The following FBXO17 variants were observed in gnomAD, a reference collection of about 807,000 sequenced individuals.
The protein encoded by FBXO17 is F-box protein 17.
FBXO17 carries 43 observed loss-of-function variants against 34.1 expected under a neutral mutation model. The observed-to-expected ratio is 1.26, with a 90% CI of 0.99 to 1.62. The LOEUF is 1.62. FBXO17 is among the 40% of genes most tolerant of loss of function. The pLI is 0.00. For synonymous variants in FBXO17, 169 were observed against 166.0 expected, an observed-to-expected ratio of 1.02 and a Z score of -0.14; for missense variants, 424 against 386.7, an observed-to-expected ratio of 1.10 and a Z score of -0.81.
At chr19:38,968,176 G>A (rs1035889726) in intron 1 of FBXO17, among the ~76,000 whole-genome samples, 2 of 151,958 alleles carry the variant, frequency 1.3e-5, no homozygotes, top group African/African-American at 2.4e-5. Flanking sequence ...AAAACTAGCC[G>A]GGTATGGTGG....
At chr19:38,949,806 C>A in intron 2 of FBXO17, 165 bp downstream of exon 2, 1 of 877,600 alleles carries the variant, frequency 1.1e-6, no homozygotes, top group Non-Finnish European at 1.7e-6. Context: ...TCTCCAGCCC[C>A]GCCCACCGGG....
In FBXO17 at chr19:38,942,467, G is replaced by T. The variant is rs1974903058; in HGVS notation, c.*141C>A. The T allele has an allele frequency of 1.2e-6, 1 of 838,032 alleles. No homozygotes were observed. The highest frequency in any genetic ancestry group is 1.7e-6 in the Non-Finnish European group (1 of 591,108). 51.9% of individuals were successfully genotyped at this position (838,032 alleles called of 1,614,324 possible). On this transcript the variant is annotated 3_prime_UTR_variant, in exon 6 of 6. Transcript: ENST00000292852. ...TTTGTGGAGACGGTTTCACTATGTT[G>T]CCCAGGCTGGTCTTGAACTCCCGAG...
chr19:38,954,899 TTA>T (rs1568441776), intron 1 of FBXO17, among the ~76,000 whole-genome samples: 145 of 9,310 alleles, frequency 0.016, 2 homozygotes, highest in Admixed American at 0.06. Flanking sequence ...TGTTATTTTA[TTA>T]TTATTATTAT....
intron 1 of FBXO17, chr19:38,952,488 G>A (rs1441613920): frequency 1.9e-6 from 1 of 529,566 alleles, no homozygotes; most frequent in Non-Finnish European, 3.9e-6. Context: ...TCCAAGTGGG[G>A]AGGTCTCCGT....
intron 1 of FBXO17, among the ~76,000 whole-genome samples, chr19:38,958,728 A>G (rs76310004): frequency 0.1 from 15,523 of 152,052 alleles, 896 homozygotes; most frequent in South Asian, 0.14. Context: ...AGCAGACTGT[A>G]TTTTTCAAAA....
chr19:38,959,609 A>G (rs930515169), intron 1 of FBXO17, among the ~76,000 whole-genome samples: 1 of 151,728 alleles, frequency 6.6e-6, no homozygotes, highest in African/African-American at 2.4e-5. Flanking sequence ...GCTAAAAATG[A>G]GCTGGGTACC....
At chr19:38,946,617 G>C (rs1234929355) in intron 3 of FBXO17, 50 bp from the exon 4 acceptor site, 1 of 1,565,086 alleles carries the variant, frequency 6.4e-7, no homozygotes, top group Non-Finnish European at 8.6e-7. Flanking sequence ...TGGCATTCAA[G>C]TCACAGTCAG....
intron 1 of FBXO17, among the ~76,000 whole-genome samples, chr19:38,970,839 G>A (rs1385705492): frequency 2.0e-5 from 3 of 152,024 alleles, no homozygotes; most frequent in Admixed American, 6.6e-5. Flanking sequence ...GGTGACTCAC[G>A]CCTATAATCC....
intron 1 of FBXO17, among the ~76,000 whole-genome samples, chr19:38,959,363 C>T (rs535949558): frequency 6.6e-6 from 1 of 151,064 alleles, no homozygotes; most frequent in East Asian, 2.0e-4. Flanking sequence ...ACTGCAATCT[C>T]CACCTCCTGG....
At chr19:38,973,249 C>T (rs1975413241) in intron 1 of FBXO17, among the ~76,000 whole-genome samples, 1 of 152,204 alleles carries the variant, frequency 6.6e-6, no homozygotes, top group Admixed American at 6.5e-5. Flanking sequence ...GTGGCACATG[C>T]TTGTAATCCC....
intron 5 of FBXO17, among the ~76,000 whole-genome samples, chr19:38,943,964 C>T (rs544986393): frequency 1.3e-5 from 2 of 152,310 alleles, no homozygotes; most frequent in African/African-American, 2.4e-5. Flanking sequence ...ATCACCACTA[C>T]CTAATTCCCA....
rs762031131 is a variant in FBXO17 at position 38,950,125 on chromosome 19, G to A, written c.195C>T (p.Arg65=). The change falls in exon 2 of 6, where the codon CGC becomes CGT. Residue 65 remains arginine (R), a synonymous_variant. Transcript: ENST00000292852. ...GTGCGCGGCCCTCGGCGCTGCGGTC[G>A]CGGGCCAGCTGCAGCAGCCACACAG... ...GPTVWLLQLA[R]DRSAEGRALY... The A allele has an allele frequency of 2.2e-5, 34 of 1,560,816 alleles. No individual in the cohort carries two copies. Among genetic ancestry groups the A allele is most frequent in the East Asian group, 9.6e-5 (4 of 41,638 alleles).
chr19:38,943,056 C>T (rs1974916659), intron 5 of FBXO17, among the ~76,000 whole-genome samples: 1 of 151,960 alleles, frequency 6.6e-6, no homozygotes, highest in Non-Finnish European at 1.5e-5. Flanking sequence ...GGAGAGGGAG[C>T]CGGGAGGGGC....
At chr19:38,965,524 G>A (rs1306330145) in intron 1 of FBXO17, among the ~76,000 whole-genome samples, 3 of 151,024 alleles carry the variant, frequency 2.0e-5, no homozygotes, top group Admixed American at 2.0e-4. Flanking sequence ...ATTTATTTTT[G>A]AGATGGAGTT....
chr19:38,972,140 G>C (rs1282336086), intron 1 of FBXO17, among the ~76,000 whole-genome samples: 1 of 152,124 alleles, frequency 6.6e-6, no homozygotes, highest in African/African-American at 2.4e-5. Flanking sequence ...TTCTTGAATG[G>C]GGCAGCCTCC....
Position 38,942,064 on chromosome 19 carries a change from A to G in FBXO17, c.*544T>C, listed in dbSNP as rs1269656670. 6.6e-6 allele frequency: 1 copy of G among 151,780 alleles called. No individual in the cohort carries two copies. Among genetic ancestry groups the G allele is most frequent in the Non-Finnish European group, 1.5e-5 (1 of 68,000 alleles). The allele number at this position is 151,780 out of a possible 1,614,324, so 9.4% of individuals were successfully genotyped here. ...GCAGGAGAAGAAAATTTGCAGGCAA[A>G]TGAACTAAATGTCTCTTCCTGACAC... On this transcript the variant is annotated 3_prime_UTR_variant, in exon 6 of 6. Coordinates refer to ENST00000292852, the MANE Select transcript of FBXO17 (RefSeq NM_024907.7).
chr19:38,966,293 T>TTGTGTGTGTGTGTGTGTGTGTGTGTGTG (rs10569438), intron 1 of FBXO17, among the ~76,000 whole-genome samples: 1 of 142,942 alleles, frequency 7.0e-6, no homozygotes, highest in Non-Finnish European at 1.5e-5. Context: ...ATTAAAAATT[T>TTGTGTGTGTGTGTGTGTGTGTGTGTGTG]TGTGTGTGTG....
At chr19:38,949,595 A>G (rs1398220314) in intron 2 of FBXO17, among the ~76,000 whole-genome samples, 1 of 151,234 alleles carries the variant, frequency 6.6e-6, no homozygotes, top group African/African-American at 2.4e-5. Context: ...TGGCACGATC[A>G]TAGCTCACTG....
At chr19:38,974,018 G>GTATATATA (rs143909681) in intron 1 of FBXO17, among the ~76,000 whole-genome samples, 10 of 129,182 alleles carry the variant, frequency 7.7e-5, no homozygotes, top group African/African-American at 2.8e-4. Context: ...ATATATATGT[G>GTATATATA]TATATATATA....
Sources: gnomAD v4.1 joint callset for allele counts (sites outside exome capture counted in the v4.1 genomes callset) on GRCh38, gnomAD v4.1.1 for gene constraint, MANE v1.5 for transcripts, NCBI Gene and HGNC (gene_info 2026-07-23, HGNC 2026-07-21) for gene names.